The following LRRC37A2 variants were observed in gnomAD, a reference collection of about 807,000 sequenced individuals.
LRRC37A2 encodes leucine-rich repeat-containing protein 37A2.
Under a neutral mutation model 68.8 loss-of-function variants are expected in LRRC37A2, and 9 were observed. That is an observed-to-expected ratio of 0.13 (90% CI 0.08 to 0.23). The LOEUF (loss-of-function observed/expected upper bound fraction) is 0.23. Ranked by LOEUF, LRRC37A2 falls within the 10% of genes least tolerant of loss-of-function variation. LRRC37A2 has a pLI of 1.00. For synonymous variants in LRRC37A2, 63 were observed against 367.6 expected (o/e 0.17, Z 9.48); for missense variants, 168 against 950.4 (o/e 0.18, Z 10.82).
the LRRC37A2 span, among the ~76,000 whole-genome samples, chr17:47,006,268 T>C: frequency 6.6e-6 from 1 of 152,148 alleles, no homozygotes; most frequent in Non-Finnish European, 1.5e-5. Flanking sequence ...GAGGAGCCCC[T>C]GACTGGGCCC....
At chr17:46,625,980 T>A in the LRRC37A2 span, among the ~76,000 whole-genome samples, 1 of 147,878 alleles carries the variant, frequency 6.8e-6, no homozygotes. Context: ...GTATAGGAGA[T>A]TATCATGAGA....
At chr17:46,467,582 A>C in the LRRC37A2 span, among the ~76,000 whole-genome samples, 1 of 101,652 alleles carries the variant, frequency 9.8e-6, no homozygotes, top group Non-Finnish European at 2.1e-5. Flanking sequence ...TAAATATTAA[A>C]CTACTGATGA....
the LRRC37A2 span, among the ~76,000 whole-genome samples, chr17:46,856,759 T>C: frequency 4.0e-5 from 6 of 151,760 alleles, no homozygotes. Flanking sequence ...GCTAGAATTA[T>C]GGGCGTGCAC....
chr17:46,622,566 T>A, the LRRC37A2 span, among the ~76,000 whole-genome samples: 3 of 145,438 alleles, frequency 2.1e-5, no homozygotes, highest in Non-Finnish European at 4.5e-5. Context: ...GCGGATTGCC[T>A]GAGCTCAGGA....
At chr17:46,947,631 C>G in the LRRC37A2 span, among the ~76,000 whole-genome samples, 1 of 152,206 alleles carries the variant, frequency 6.6e-6, no homozygotes, top group Non-Finnish European at 1.5e-5. Flanking sequence ...AGAATCCTGA[C>G]TTTGCTGTTT....
the LRRC37A2 span, among the ~76,000 whole-genome samples, chr17:47,012,807 A>T: frequency 6.6e-6 from 1 of 152,192 alleles, no homozygotes; most frequent in Non-Finnish European, 1.5e-5. Context: ...TCACTTTGGA[A>T]ATCTGGTAGG....
chr17:47,035,753 G>A, the LRRC37A2 span, among the ~76,000 whole-genome samples: 1 of 152,162 alleles, frequency 6.6e-6, no homozygotes, highest in Non-Finnish European at 1.5e-5. Context: ...TTCCACAGTG[G>A]CTGCTCCATT....
chr17:46,585,316 T>C, the LRRC37A2 span, among the ~76,000 whole-genome samples: 1 of 87,046 alleles, frequency 1.1e-5, no homozygotes, highest in East Asian at 2.5e-4. Flanking sequence ...AGACTCCATC[T>C]CGAAAAAAAA....
chr17:46,754,904 T>TAA, the LRRC37A2 span, among the ~76,000 whole-genome samples: 1 of 152,254 alleles, frequency 6.6e-6, no homozygotes, highest in Non-Finnish European at 1.5e-5. Context: ...GTTGTTGAAT[T>TAA]AACCTCAACT....
At chr17:46,946,927 T>A in the LRRC37A2 span, among the ~76,000 whole-genome samples, 1 of 151,452 alleles carries the variant, frequency 6.6e-6, no homozygotes, top group Non-Finnish European at 1.5e-5. Context: ...GCAAGTGGGG[T>A]AGATATCAGA....
At chr17:46,943,780 G>T in the LRRC37A2 span, among the ~76,000 whole-genome samples, 4 of 152,252 alleles carry the variant, frequency 2.6e-5, no homozygotes, top group Non-Finnish European at 5.9e-5. Context: ...AGCAATGACT[G>T]CAGTAAAAGA....
the LRRC37A2 span, among the ~76,000 whole-genome samples, chr17:46,881,232 C>T: frequency 2.0e-5 from 3 of 152,302 alleles, no homozygotes; most frequent in South Asian, 2.1e-4. Flanking sequence ...CTCCCCAGGG[C>T]GGGAGGCAGA....
At chr17:46,918,759 A>G in the LRRC37A2 span, among the ~76,000 whole-genome samples, 1 of 152,134 alleles carries the variant, frequency 6.6e-6, no homozygotes, top group African/African-American at 2.4e-5. Context: ...AGCTCCTTAG[A>G]CTGACTTGGC....
the LRRC37A2 span, among the ~76,000 whole-genome samples, chr17:46,900,190 T>TAC: frequency 2.1e-3 from 210 of 99,280 alleles, 4 homozygotes; most frequent in African/African-American, 9.2e-3. Context: ...TATATATATA[T>TAC]ATATATATAT....
At chr17:46,775,014 C>CA in the LRRC37A2 span, among the ~76,000 whole-genome samples, 4 of 152,170 alleles carry the variant, frequency 2.6e-5, no homozygotes, top group East Asian at 7.7e-4. Flanking sequence ...AAGTTTCCCA[C>CA]AAAAAGTGAT....
chr17:46,718,349 T>A, the LRRC37A2 span, among the ~76,000 whole-genome samples: 1 of 152,002 alleles, frequency 6.6e-6, no homozygotes. Context: ...AAAAAAAAAA[T>A]TATGTATAGA....
At chr17:46,924,806 C>T in the LRRC37A2 span, among the ~76,000 whole-genome samples, 1 of 152,148 alleles carries the variant, frequency 6.6e-6, no homozygotes, top group Non-Finnish European at 1.5e-5. Context: ...AAATTATGTT[C>T]ATGTTACTAA....
chr17:46,852,870 G>A, the LRRC37A2 span, among the ~76,000 whole-genome samples: 1 of 152,282 alleles, frequency 6.6e-6, no homozygotes, highest in Non-Finnish European at 1.5e-5. Flanking sequence ...ACAGGTTGGA[G>A]TAAGGGCTGT....
the LRRC37A2 span, chr17:46,940,639 G>A: frequency 1.2e-6 from 2 of 1,613,900 alleles, no homozygotes; most frequent in African/African-American, 1.3e-5. Flanking sequence ...ACTCTGGGAG[G>A]CAGAAGTCCC....
Sources: allele counts gnomAD v4.1 joint callset (sites outside exome capture counted in the v4.1 genomes callset), GRCh38; gene constraint gnomAD v4.1.1; transcripts MANE v1.5; gene names NCBI Gene and HGNC (gene_info 2026-07-23, HGNC 2026-07-21).